Variants in TECPR2 observed in about 807,000 individuals in gnomAD.
TECPR2 encodes the protein tectonin beta-propeller repeat containing 2, also known as tectonin beta-propeller repeat-containing protein 2.
A neutral mutation model predicts 138.1 loss-of-function variants in TECPR2; 65 were observed. That is an observed-to-expected ratio of 0.47 (90% CI 0.39 to 0.58). The LOEUF (loss-of-function observed/expected upper bound fraction) is 0.58. Among genes scored for constraint, TECPR2 ranks in the 20% least tolerant of loss-of-function variants. The pLI is 0.00. For synonymous variants in TECPR2, 746 were observed against 749.8 expected, an observed-to-expected ratio of 0.99 and a Z score of 0.08; for missense variants, 1,553 against 1,824.5, an observed-to-expected ratio of 0.85 and a Z score of 2.71.
intron 16 of TECPR2, among the ~76,000 whole-genome samples, chr14:102,463,478 G>T (rs979973958): frequency 4.6e-5 from 7 of 150,682 alleles, no homozygotes; most frequent in Admixed American, 1.3e-4. Flanking sequence ...GTTGCAGTGA[G>T]CCAAGATCAC....
rs144437433 is a variant in TECPR2, at chr14:102,477,418, C to T, written c.3789+12129C>T. On this transcript the variant is annotated intron_variant, in intron 17 of 19. Transcript: ENST00000359520. ...ATGCTAACACAGATCAGTGCTTACT[C>T]AAGGCCTGGCAGAAATTTCAAAGGG... is the stretch of plus-strand genomic sequence containing the variant. 2.0e-5 allele frequency among the ~76,000 whole-genome samples: 3 copies of T among 152,050 alleles called. No homozygotes were observed. The East Asian group carries it at 5.8e-4, about 29-fold the overall frequency.
chr14:102,433,918 G>A (rs1345178739), intron 8 of TECPR2, among the ~76,000 whole-genome samples: 1 of 152,110 alleles, frequency 6.6e-6, no homozygotes. Context: ...TAAGATGACT[G>A]CAACACTGAA....
At chr14:102,386,223 C>T (rs938718594) in intron 2 of TECPR2, among the ~76,000 whole-genome samples, 3 of 152,088 alleles carry the variant, frequency 2.0e-5, no homozygotes, top group South Asian at 2.1e-4. Flanking sequence ...AATCCCAGCA[C>T]TTTGGTAGGC....
chr14:102,384,030 C>T (rs1239599349), intron 2 of TECPR2, among the ~76,000 whole-genome samples: 2 of 150,796 alleles, frequency 1.3e-5, no homozygotes, highest in African/African-American at 4.9e-5. Context: ...AGCGATTCTT[C>T]TGCCTCAATC....
intron 1 of TECPR2, among the ~76,000 whole-genome samples, chr14:102,373,299 G>T (rs1192102373): frequency 6.6e-6 from 1 of 151,556 alleles, no homozygotes; most frequent in Non-Finnish European, 1.5e-5. Flanking sequence ...ACTATTTTTT[G>T]ACTTTAAGAT....
At chr14:102,480,325 C>T (rs544086808) in intron 17 of TECPR2, among the ~76,000 whole-genome samples, 24 of 151,858 alleles carry the variant, frequency 1.6e-4, no homozygotes, top group African/African-American at 5.6e-4. Context: ...CCCGGGTTCA[C>T]GCCATTCTCC....
intron 2 of TECPR2, among the ~76,000 whole-genome samples, chr14:102,384,699 A>AAG (rs1887944361): frequency 1.4e-5 from 2 of 145,424 alleles, no homozygotes; most frequent in African/African-American, 5.3e-5. Flanking sequence ...ATATATATAT[A>AAG]TGTGTGTGTG....
intron 16 of TECPR2, among the ~76,000 whole-genome samples, chr14:102,459,448 C>T (rs1424887635): frequency 6.6e-6 from 1 of 152,182 alleles, no homozygotes; most frequent in Non-Finnish European, 1.5e-5. Context: ...AAGTTGCCAT[C>T]AGCCTTCCCA....
chr14:102,479,426 A>T (rs1250572070), intron 17 of TECPR2, among the ~76,000 whole-genome samples: 1 of 152,078 alleles, frequency 6.6e-6, no homozygotes, highest in Non-Finnish European at 1.5e-5. Context: ...AAGATCTGAG[A>T]TGTCCTTTGG....
rs576952886 is a variant in TECPR2 at position 102,420,811 on chromosome 14, C to G, written c.639-4168C>G. ...AGGCAGCCACTCCCAGGACCTTGCT[C>G]AGCAGGGCTCCTTTCCCTTCCTCCA... On this transcript the variant is annotated intron_variant, in intron 5 of 19. Coordinates refer to ENST00000359520, the MANE Select transcript of TECPR2 (RefSeq NM_014844.5). This position sits in a 1 kb window ranked among gnomAD's most constrained non-coding sequence, Gnocchi z 4.1. 2.7e-4 allele frequency among the ~76,000 whole-genome samples: 41 copies of G among 152,278 alleles called. No individual in the cohort carries two copies. Among genetic ancestry groups the G allele is most frequent in the Non-Finnish European group, 4.7e-4 (32 of 68,022 alleles).
At chr14:102,388,211 A>G (rs191587489) in intron 2 of TECPR2, among the ~76,000 whole-genome samples, 3 of 152,312 alleles carry the variant, frequency 2.0e-5, no homozygotes, top group Admixed American at 2.0e-4. Flanking sequence ...TAACATTACC[A>G]TACAGGGCTT....
Position 102,498,498 on chromosome 14 carries a change from T to C in TECPR2, c.*241T>C, listed in dbSNP as rs2139804830. On this transcript the variant is annotated 3_prime_UTR_variant, in exon 20 of 20. Transcript: ENST00000359520. The stretch of plus-strand genomic sequence containing the variant: ...CCTCCTAGCTCAGGACAGTGGCGAC[T>C]GCCCGGCTGCATGCACTCCGATTAC... The C allele has an allele frequency of 1.7e-6, 1 of 579,004 alleles. No homozygotes were observed. Among genetic ancestry groups the C allele is most frequent in the Non-Finnish European group, 3.1e-6 (1 of 327,138 alleles). The allele number at this position is 579,004 out of a possible 1,614,324, so 35.9% of individuals were successfully genotyped here.
intron 17 of TECPR2, among the ~76,000 whole-genome samples, chr14:102,483,533 C>G (rs11626776): frequency 0.22 from 32,889 of 151,944 alleles, 4,265 homozygotes; most frequent in Middle Eastern, 0.31. Flanking sequence ...CTTTAAACTT[C>G]TGGGCTCAAG....
intron 1 of TECPR2, among the ~76,000 whole-genome samples, chr14:102,371,958 G>C (rs973661911): frequency 1.3e-5 from 2 of 152,112 alleles, no homozygotes; most frequent in Non-Finnish European, 2.9e-5. Flanking sequence ...GCATATCTCA[G>C]TATGATGAGA....
intron 2 of TECPR2, among the ~76,000 whole-genome samples, chr14:102,397,354 T>C (rs1888341425): frequency 6.6e-6 from 1 of 152,040 alleles, no homozygotes; most frequent in African/African-American, 2.4e-5. Flanking sequence ...AAGTATGCTC[T>C]TCCAAGGAAA....
Position 102,415,583 on chromosome 14 carries a change from G to A in TECPR2, c.638+790G>A, listed in dbSNP as rs1433989097. On this transcript the variant is annotated intron_variant, in intron 5 of 19. Coordinates refer to ENST00000359520, the MANE Select transcript of TECPR2 (RefSeq NM_014844.5). This position sits in a 1 kb window ranked among gnomAD's most constrained non-coding sequence, Gnocchi z 4.3. The stretch of plus-strand genomic sequence containing the variant: ...CGTGGGGATGGGGTGAGGAGGGGTA[G>A]GTAGAGCAGTGGAGCTGACCCCTCC... 6.6e-6 allele frequency among the ~76,000 whole-genome samples: 1 copy of A among 152,168 alleles called. No homozygotes were observed. Among genetic ancestry groups the A allele is most frequent in the East Asian group, 1.9e-4 (1 of 5,190 alleles).
At chr14:102,374,816 C>T (rs1240615493) in intron 1 of TECPR2, among the ~76,000 whole-genome samples, 1 of 152,176 alleles carries the variant, frequency 6.6e-6, no homozygotes, top group Non-Finnish European at 1.5e-5. Context: ...CAGGCATAAG[C>T]CACTGTTCCT....
Position 102,388,859 on chromosome 14 carries a change from G to A in TECPR2, c.219+11919G>A, listed in dbSNP as rs142481275. On this transcript the variant is annotated intron_variant, in intron 2 of 19. Transcript: ENST00000359520. Reference sequence around the variant, plus strand: ...ACCTGTAGTCCCAGCTACTCGGGAGGCTGAGGCAGGAGAATGGCGTGAATC... The same window carrying A: ...ACCTGTAGTCCCAGCTACTCGGGAGACTGAGGCAGGAGAATGGCGTGAATC... Among the ~76,000 whole-genome samples, 287 of 152,148 alleles carry A rather than the reference G, an allele frequency of 1.9e-3. 2 individuals carry two copies. Among genetic ancestry groups the A allele is most frequent in the African/African-American group, 6.2e-3 (257 of 41,502 alleles).
rs1197883814 is a variant in TECPR2 at position 102,462,101 on chromosome 14, G to A, written c.3641-3040G>A. ...TTGTTCACTGTGTAATGTGAACTCC[G>A]TGTTCTGTGAGCAGTGTTGTTGCTG... On this transcript the variant is annotated intron_variant, in intron 16 of 19. Coordinates refer to ENST00000359520, the MANE Select transcript of TECPR2 (RefSeq NM_014844.5). Among the ~76,000 whole-genome samples the A allele has an allele frequency of 3.3e-5, 5 of 152,288 alleles. No individual in the cohort carries two copies. In the South Asian group the frequency reaches 6.2e-4, roughly 19 times the overall value.
Sources: gnomAD v4.1 joint callset for allele counts (sites outside exome capture counted in the v4.1 genomes callset) on GRCh38, gnomAD v4.1.1 for gene constraint, Gnocchi (gnomAD v3.1) non-coding constraint, MANE v1.5 for transcripts, NCBI Gene and HGNC (gene_info 2026-07-23, HGNC 2026-07-21) for gene names.